Variants in PCDHGA12 observed in about 807,000 individuals in gnomAD.
PCDHGA12 encodes protocadherin gamma subfamily A, 12, also known as protocadherin gamma-A12.
A neutral mutation model predicts 61.1 loss-of-function variants in PCDHGA12; 43 were observed. The observed-to-expected ratio is 0.70, with a 90% CI of 0.55 to 0.91. PCDHGA12 has a LOEUF of 0.91. Among genes scored for constraint, PCDHGA12 ranks in the 40% least tolerant of loss-of-function variants. The pLI is 0.00. For missense variants in PCDHGA12, 1,236 were observed against 1,227.7 expected, an observed-to-expected ratio of 1.01 and a Z score of -0.10; for synonymous variants, 520 against 542.9, an observed-to-expected ratio of 0.96 and a Z score of 0.59.
Position 141,489,213 on chromosome 5 carries a change from T to G in PCDHGA12, c.2425-5594T>G, listed in dbSNP as rs372898969. 11 of 1,473,392 alleles carry G rather than the reference T, an allele frequency of 7.5e-6. No homozygotes were observed. The highest frequency in any genetic ancestry group is 6.4e-6 in the Non-Finnish European group (7 of 1,091,332). 91.3% of individuals were successfully genotyped at this position (1,473,392 alleles called of 1,614,324 possible). On this transcript the variant is annotated intron_variant, in intron 1 of 3. Coordinates refer to ENST00000252085, the MANE Select transcript of PCDHGA12 (RefSeq NM_003735.3). This position sits in a 1 kb window ranked among gnomAD's most constrained non-coding sequence, Gnocchi z 4.5. Reference sequence around the variant, plus strand: ...ACCTTGGAGACAGGACAGCACAGACTTACTCTCCACAAAGGGACTTCTGGG... The same window carrying G: ...ACCTTGGAGACAGGACAGCACAGACGTACTCTCCACAAAGGGACTTCTGGG...
Position 141,511,015 on chromosome 5 carries a change from C to A in PCDHGA12, c.2641C>A (p.Pro881Thr). Residue 881 changes from proline (P) to threonine (T), a missense_variant, in exon 4 of 4, where the codon CCC becomes ACC. Coordinates refer to ENST00000252085, the MANE Select transcript of PCDHGA12 (RefSeq NM_003735.3). ...GTMGLSARYG[P>T]QFTLQHVPDY... ...CATGGGATTGAGCGCCCGCTACGGA[C>A]CCCAGTTCACCCTGCAGCACGTGCC... 6.2e-7 allele frequency: 1 copy of A among 1,614,224 alleles called. No individual in the cohort carries two copies. The highest frequency in any genetic ancestry group is 8.5e-7 in the Non-Finnish European group (1 of 1,180,038).
At chr5:141,453,205 G>C (rs570291941) in intron 1 of PCDHGA12, among the ~76,000 whole-genome samples, 2 of 151,872 alleles carry the variant, frequency 1.3e-5, no homozygotes, top group Non-Finnish European at 2.9e-5. Context: ...CCTCAACCTC[G>C]TGCACTTAAG....
chr5:141,485,607 C>T lies in PCDHGA12; in HGVS notation c.2425-9200C>T. On this transcript the variant is annotated intron_variant, in intron 1 of 3. Coordinates refer to ENST00000252085, the MANE Select transcript of PCDHGA12 (RefSeq NM_003735.3). The surrounding 1 kb of genome is among the most constrained non-coding windows in gnomAD (Gnocchi z 5.7). ...CAGCTGGACTTGGAAATTGGGGAGG[C>T]AGCTCCTCCAGGACAGCGTTTCCCG... is the stretch of plus-strand genomic sequence containing the variant. 1 of 1,612,008 alleles carries T rather than the reference C, an allele frequency of 6.2e-7. No individual in the cohort carries two copies. The highest frequency in any genetic ancestry group is 8.5e-7 in the Non-Finnish European group (1 of 1,178,534).
chr5:141,431,554 C>G lies in PCDHGA12; in HGVS notation c.795C>G (p.Asn265Lys). 1 of 1,614,126 alleles carries G rather than the reference C, an allele frequency of 6.2e-7. No homozygotes were observed. The highest frequency in any genetic ancestry group is 1.7e-5 in the Admixed American group (1 of 60,032). ...TGGGCACGCAGCTGCTTGTAGTCAA[C>G]GCTACCGACCCTGACGAAGGAGTCA... is the stretch of plus-strand genomic sequence containing the variant. ...LALGTQLLVVNATDPDEGVNA... is the reference protein window; with the variant it reads ...LALGTQLLVVKATDPDEGVNA... The change falls in exon 1 of 4, where the codon AAC (asparagine) becomes AAG (lysine). Residue 265 changes from asparagine to lysine, a missense_variant. Coordinates refer to ENST00000252085, the MANE Select transcript of PCDHGA12 (RefSeq NM_003735.3). This position sits in a 1 kb window ranked among gnomAD's most constrained non-coding sequence, Gnocchi z 4.8.
chr5:141,431,965 T>C lies in PCDHGA12; in HGVS notation c.1206T>C (p.Tyr402=), dbSNP rs765281339. The C allele has an allele frequency of 4.0e-5, 64 of 1,614,098 alleles. No homozygotes were observed. In the East Asian group the frequency reaches 4.9e-4, roughly 12 times the overall value. Residue 402 remains tyrosine, a synonymous_variant, in exon 1 of 4, where the codon TAT becomes TAC. Transcript: ENST00000252085. This position sits in a 1 kb window ranked among gnomAD's most constrained non-coding sequence, Gnocchi z 4.8. Reference sequence around the variant, plus strand: ...TAGAAAAATCTTACGGAAATTACTATAGTTTAGTCACAGACATAGTCTTGG... The same window carrying C: ...TAGAAAAATCTTACGGAAATTACTACAGTTTAGTCACAGACATAGTCTTGG... The part of the protein sequence containing the change: ...FKLEKSYGNY[Y]SLVTDIVLDR...
At position 141,491,546 on chromosome 5, in the gene PCDHGA12, C is replaced by T; in HGVS notation, c.2425-3261C>T. ...GAGGTGACGCTGCGGCCCACAGACT[C>T]GCAGAGCCACTGCTACAGGACGTGC... On this transcript the variant is annotated intron_variant, in intron 1 of 3. Transcript: ENST00000252085. This position sits in a 1 kb window ranked among gnomAD's most constrained non-coding sequence, Gnocchi z 6.9. 1.9e-6 allele frequency: 3 copies of T among 1,614,038 alleles called. No homozygotes were observed. Among genetic ancestry groups the T allele is most frequent in the Non-Finnish European group, 2.5e-6 (3 of 1,180,024 alleles).
Position 141,455,633 on chromosome 5 carries a change from G to A in PCDHGA12, c.2424+22450G>A, listed in dbSNP as rs1049071525. On this transcript the variant is annotated intron_variant, in intron 1 of 3. Coordinates refer to ENST00000252085, the MANE Select transcript of PCDHGA12 (RefSeq NM_003735.3). ...ATGTTCTAAACACGTGGAGATATGT[G>A]GGGGGCAGCCATGTGGCCAGGAACT... Among the ~76,000 whole-genome samples, 19 of 152,198 alleles carry A rather than the reference G, an allele frequency of 1.2e-4. No homozygotes were observed. In the East Asian group the frequency reaches 3.1e-3, roughly 25 times the overall value.
Position 141,489,748 on chromosome 5 carries a change from T to G in PCDHGA12, c.2425-5059T>G. 6.2e-7 allele frequency: 1 copy of G among 1,614,156 alleles called. No homozygotes were observed. Among genetic ancestry groups the G allele is most frequent in the African/African-American group, 1.3e-5 (1 of 75,054 alleles). On this transcript the variant is annotated intron_variant, in intron 1 of 3. Transcript: ENST00000252085. This position sits in a 1 kb window ranked among gnomAD's most constrained non-coding sequence, Gnocchi z 4.5. ...TGTGGGCACCAATACTGTGAGCTTTTACACTCTAAGCCCCAACAGCCACTT... is the reference window on the plus strand; with the variant it reads ...TGTGGGCACCAATACTGTGAGCTTTGACACTCTAAGCCCCAACAGCCACTT...
At chr5:141,456,897 A>G (rs1351271896) in intron 1 of PCDHGA12, among the ~76,000 whole-genome samples, 2 of 152,178 alleles carry the variant, frequency 1.3e-5, no homozygotes, top group Admixed American at 1.3e-4. Context: ...CGGGAGGCAG[A>G]GGTTGCAGTG....
Position 141,487,341 on chromosome 5 carries a change from TC to T in PCDHGA12, c.2425-7465del, listed in dbSNP as rs778559139. Reference sequence around the variant, plus strand: ...TGTCTTCGTGGGGCAGCCTGTGGAGTCACATGCTTTCCTGCTGGCACCTGTG... The same window carrying T: ...TGTCTTCGTGGGGCAGCCTGTGGAGTACATGCTTTCCTGCTGGCACCTGTG... On this transcript the variant is annotated intron_variant, in intron 1 of 3. Transcript: ENST00000252085. This position sits in a 1 kb window ranked among gnomAD's most constrained non-coding sequence, Gnocchi z 5.0. 1 of 1,614,012 alleles carries T rather than the reference TC, an allele frequency of 6.2e-7. No homozygotes were observed. The highest frequency in any genetic ancestry group is 1.1e-5 in the South Asian group (1 of 91,074).
Position 141,477,707 on chromosome 5 carries a change from C to T in PCDHGA12, c.2425-17100C>T. ...AGTGCCCCTAGACTATGAGGATCGG[C>T]GGGAATTTGAATTAACAGCTCATAT... On this transcript the variant is annotated intron_variant, in intron 1 of 3. Transcript: ENST00000252085. The surrounding 1 kb of genome is among the most constrained non-coding windows in gnomAD (Gnocchi z 4.9). 6.2e-7 allele frequency: 1 copy of T among 1,613,952 alleles called. No individual in the cohort carries two copies. Among genetic ancestry groups the T allele is most frequent in the South Asian group, 1.1e-5 (1 of 91,086 alleles).
intron 1 of PCDHGA12, among the ~76,000 whole-genome samples, chr5:141,459,176 T>C (rs2098962762): frequency 6.6e-6 from 1 of 152,210 alleles, no homozygotes. Context: ...CTTCAAAAGT[T>C]CCCTCATGCC....
rs1478890031 is a variant in PCDHGA12, at chr5:141,478,689, C to G, written c.2425-16118C>G. On this transcript the variant is annotated intron_variant, in intron 1 of 3. Coordinates refer to ENST00000252085, the MANE Select transcript of PCDHGA12 (RefSeq NM_003735.3). Reference sequence around the variant, plus strand: ...CACTTTCAACTGGCCCTTCCTAGATCAAAGTTAGTGCCTTTGTGAGATGGT... The same window carrying G: ...CACTTTCAACTGGCCCTTCCTAGATGAAAGTTAGTGCCTTTGTGAGATGGT... 3 of 1,550,866 alleles carry G rather than the reference C, an allele frequency of 1.9e-6. No homozygotes were observed. In the African/African-American group the frequency reaches 4.1e-5, roughly 21 times the overall value.
rs1018384314 is a variant in PCDHGA12 at position 141,490,427 on chromosome 5, A to G, written c.2425-4380A>G. On this transcript the variant is annotated intron_variant, in intron 1 of 3. Coordinates refer to ENST00000252085, the MANE Select transcript of PCDHGA12 (RefSeq NM_003735.3). This position sits in a 1 kb window ranked among gnomAD's most constrained non-coding sequence, Gnocchi z 5.4. ...GATATCTCTCCGGACCTGCCATTTCAGATTAAGCCTTCTGAGAACCACTAC... is the reference window on the plus strand; with the variant it reads ...GATATCTCTCCGGACCTGCCATTTCGGATTAAGCCTTCTGAGAACCACTAC... 6.2e-7 allele frequency: 1 copy of G among 1,614,092 alleles called. No individual in the cohort carries two copies.
In PCDHGA12 at chr5:141,486,890, G is replaced by T; in HGVS notation, c.2425-7917G>T. On this transcript the variant is annotated intron_variant, in intron 1 of 3. Coordinates refer to ENST00000252085, the MANE Select transcript of PCDHGA12 (RefSeq NM_003735.3). The surrounding 1 kb of genome is among the most constrained non-coding windows in gnomAD (Gnocchi z 5.0). ...TGTGCTCCGTCCTCGGGCCCGGCCT[G>T]GTTCCTTATGTCCCCAAGCACTGCC... 6.2e-7 allele frequency: 1 copy of T among 1,614,242 alleles called. No individual in the cohort carries two copies. The highest frequency in any genetic ancestry group is 8.5e-7 in the Non-Finnish European group (1 of 1,180,048).
At position 141,491,891 on chromosome 5, in the gene PCDHGA12, G is replaced by T. The variant is rs1487484740; in HGVS notation, c.2425-2916G>T. On this transcript the variant is annotated intron_variant, in intron 1 of 3. Coordinates refer to ENST00000252085, the MANE Select transcript of PCDHGA12 (RefSeq NM_003735.3). This position sits in a 1 kb window ranked among gnomAD's most constrained non-coding sequence, Gnocchi z 6.9. ...GTGGCCGATTAAGGGATGGGGCTCC[G>T]AGCACCGGGGGTGGTGGCGACTGTG... 19 of 1,439,438 alleles carry T rather than the reference G, an allele frequency of 1.3e-5. No homozygotes were observed. The East Asian group carries it at 4.8e-4, about 36-fold the overall frequency. 89.2% of individuals were successfully genotyped at this position (1,439,438 alleles called of 1,614,324 possible). A position where few individuals can be genotyped will look rare whatever the true frequency, so the allele number is the denominator to read the frequency against.
Position 141,454,981 on chromosome 5 carries a change from A to T in PCDHGA12, c.2424+21798A>T, listed in dbSNP as rs528657512. 9.9e-3 allele frequency among the ~76,000 whole-genome samples: 1,486 copies of T among 150,680 alleles called. 32 individuals carry two copies. Among genetic ancestry groups the T allele is most frequent in the African/African-American group, 0.034 (1,392 of 41,092 alleles). On this transcript the variant is annotated intron_variant, in intron 1 of 3. Coordinates refer to ENST00000252085, the MANE Select transcript of PCDHGA12 (RefSeq NM_003735.3). ...GGCCACCACGCCTGGCTAATTTTTTAAAAAATATTTTTAGTAGAGACGGGG... is the reference window on the plus strand; with the variant it reads ...GGCCACCACGCCTGGCTAATTTTTTTAAAAATATTTTTAGTAGAGACGGGG...
chr5:141,456,263 T>C (rs2098847567), intron 1 of PCDHGA12, among the ~76,000 whole-genome samples: 2 of 152,292 alleles, frequency 1.3e-5, no homozygotes, highest in South Asian at 2.1e-4. Flanking sequence ...CCATTGCTTC[T>C]GGCTACTTCC....
rs190948188 is a variant in PCDHGA12 at position 141,505,972 on chromosome 5, C to T, written c.2572+491C>T. Among the ~76,000 whole-genome samples the T allele has an allele frequency of 5.4e-4, 82 of 152,250 alleles. 1 individual carries two copies. The highest frequency in any genetic ancestry group is 1.9e-3 in the African/African-American group (79 of 41,558). ...GAAAGTGGGTGTAGAAATCCCCAGC[C>T]GAGAGAACACCTCCTCTTTATGCGA... On this transcript the variant is annotated intron_variant, in intron 3 of 3. Transcript: ENST00000252085.
Sources: allele counts gnomAD v4.1 joint callset (sites outside exome capture counted in the v4.1 genomes callset), GRCh38; gene constraint gnomAD v4.1.1; non-coding constraint Gnocchi (gnomAD v3.1); transcripts MANE v1.5; gene names NCBI Gene and HGNC (gene_info 2026-07-23, HGNC 2026-07-21).